THSD7B: variants seen among roughly 807,000 people sequenced by gnomAD.
The protein encoded by THSD7B is thrombospondin type-1 domain-containing protein 7B.
THSD7B carries 138 observed loss-of-function variants against 213.6 expected under a neutral mutation model. The ratio of observed to expected loss-of-function variants is 0.65; its 90% confidence interval spans 0.56 to 0.74. The LOEUF (loss-of-function observed/expected upper bound fraction) is 0.74. Ranked by LOEUF, THSD7B falls within the 30% of genes least tolerant of loss-of-function variation. THSD7B has a pLI of 0.00. For synonymous variants in THSD7B, 742 were observed against 687.0 expected (o/e 1.08, Z -1.25); for missense variants, 1,931 against 1,991.5 (o/e 0.97, Z 0.58).
intron 1 of THSD7B, among the ~76,000 whole-genome samples, chr2:136,778,816 A>G (rs1037529156): frequency 1.3e-5 from 2 of 152,192 alleles, no homozygotes; most frequent in African/African-American, 4.8e-5. Context: ...ATGCACTGAT[A>G]CCTCTATAAG....
intron 2 of THSD7B, among the ~76,000 whole-genome samples, chr2:137,008,883 A>C (rs1207364948): frequency 6.6e-6 from 1 of 152,188 alleles, no homozygotes; most frequent in Non-Finnish European, 1.5e-5. Context: ...CCCACATACA[A>C]ACTACAGTGT....
At chr2:137,055,234 A>G (rs62171229) in intron 2 of THSD7B, among the ~76,000 whole-genome samples, 14,030 of 152,224 alleles carry the variant, frequency 0.092, 905 homozygotes, top group Non-Finnish European at 0.14. Context: ...TAGTGCTGCA[A>G]TAAACATACG....
chr2:137,448,967 T>TTTTG (rs905243259), intron 14 of THSD7B, among the ~76,000 whole-genome samples: 1 of 152,196 alleles, frequency 6.6e-6, no homozygotes, highest in Non-Finnish European at 1.5e-5. Flanking sequence ...TATAAAGAAT[T>TTTTG]TTTGTTTGTT....
At chr2:137,240,664 C>T (rs927446737) in intron 9 of THSD7B, among the ~76,000 whole-genome samples, 1 of 152,114 alleles carries the variant, frequency 6.6e-6, no homozygotes, top group Non-Finnish European at 1.5e-5. Context: ...GCATGTACCC[C>T]CATGCCCAGC....
At chr2:137,313,308 T>C (rs1558753704) in intron 12 of THSD7B, among the ~76,000 whole-genome samples, 3 of 152,154 alleles carry the variant, frequency 2.0e-5, no homozygotes, top group Non-Finnish European at 2.9e-5. Context: ...AAGTCTGTTT[T>C]ATCAGAGATG....
chr2:137,566,306 A>T (rs779899763), intron 16 of THSD7B, among the ~76,000 whole-genome samples: 24 of 152,238 alleles, frequency 1.6e-4, no homozygotes, highest in Non-Finnish European at 3.1e-4. Context: ...GCTCACATGC[A>T]GTGGAAAGCC....
chr2:137,543,275 G>A (rs1471609613), intron 15 of THSD7B, among the ~76,000 whole-genome samples: 1 of 151,560 alleles, frequency 6.6e-6, no homozygotes, highest in African/African-American at 2.4e-5. Flanking sequence ...TCTTTTTTTT[G>A]CTATACAGAA....
At chr2:137,588,547 A>G (rs1050611596) in intron 17 of THSD7B, among the ~76,000 whole-genome samples, 1 of 148,016 alleles carries the variant, frequency 6.8e-6, no homozygotes, top group African/African-American at 2.5e-5. Flanking sequence ...TTCTGATTCC[A>G]TTTTAGCATT....
At chr2:137,223,726 T>C (rs1681429055) in intron 7 of THSD7B, among the ~76,000 whole-genome samples, 1 of 152,164 alleles carries the variant, frequency 6.6e-6, no homozygotes, top group African/African-American at 2.4e-5. Context: ...TCAGCACTGA[T>C]GTGGTTTGAA....
chr2:137,345,134 T>C (rs1050551812), intron 12 of THSD7B, among the ~76,000 whole-genome samples: 1 of 151,720 alleles, frequency 6.6e-6, no homozygotes, highest in African/African-American at 2.4e-5. Context: ...AATAATCTAA[T>C]GGCAAATCTT....
intron 26 of THSD7B, among the ~76,000 whole-genome samples, chr2:137,666,119 A>G (rs1683441782): frequency 6.6e-6 from 1 of 152,032 alleles, no homozygotes; most frequent in Non-Finnish European, 1.5e-5. Flanking sequence ...TTATGTTCTT[A>G]CAGAATACAT....
At chr2:137,500,103 C>G (rs1002840858) in intron 15 of THSD7B, among the ~76,000 whole-genome samples, 2 of 151,966 alleles carry the variant, frequency 1.3e-5, no homozygotes, top group African/African-American at 4.8e-5. Flanking sequence ...AGACAACAAC[C>G]CCCCAATTCC....
intron 4 of THSD7B, among the ~76,000 whole-genome samples, chr2:137,114,420 G>A (rs1368859442): frequency 6.6e-6 from 1 of 152,110 alleles, no homozygotes; most frequent in Non-Finnish European, 1.5e-5. Context: ...ACTCCATTGT[G>A]TTTTCCCCCT....
At chr2:136,950,677 A>G (rs1199114031) in intron 2 of THSD7B, among the ~76,000 whole-genome samples, 1 of 152,218 alleles carries the variant, frequency 6.6e-6, no homozygotes, top group Non-Finnish European at 1.5e-5. Context: ...GCCTTCTGCA[A>G]TTATCGCCAT....
intron 2 of THSD7B, among the ~76,000 whole-genome samples, chr2:136,962,403 CTTTTTTTTT>C (rs71400559): frequency 2.0e-5 from 2 of 100,180 alleles, no homozygotes; most frequent in Admixed American, 1.2e-4. Flanking sequence ...AATCTGTTAT[CTTTTTTTTT>C]TTTTTTTTTT....
At chr2:137,110,058 C>T (rs752359122) in intron 4 of THSD7B, among the ~76,000 whole-genome samples, 1 of 152,134 alleles carries the variant, frequency 6.6e-6, no homozygotes, top group Non-Finnish European at 1.5e-5. Context: ...TATGCTCACT[C>T]CCTCATTTTA....
chr2:137,013,789 G>T (rs1686283838), intron 2 of THSD7B, among the ~76,000 whole-genome samples: 1 of 152,118 alleles, frequency 6.6e-6, no homozygotes, highest in Non-Finnish European at 1.5e-5. Context: ...TGCCTCCTCT[G>T]GGGCAGAACT....
At chr2:137,338,289 G>A (rs1684686180) in intron 12 of THSD7B, among the ~76,000 whole-genome samples, 1 of 151,996 alleles carries the variant, frequency 6.6e-6, no homozygotes, top group African/African-American at 2.4e-5. Context: ...CCCAGATCAG[G>A]AACTCTAAGG....
intron 2 of THSD7B, among the ~76,000 whole-genome samples, chr2:136,962,852 A>T (rs975004570): frequency 1.3e-5 from 2 of 151,748 alleles, no homozygotes; most frequent in Non-Finnish European, 2.9e-5. Context: ...GGGTCTTTAA[A>T]TTTTTTTTTG....
Sources: allele counts gnomAD v4.1 joint callset (sites outside exome capture counted in the v4.1 genomes callset), GRCh38; gene constraint gnomAD v4.1.1; transcripts MANE v1.5; gene names NCBI Gene and HGNC (gene_info 2026-07-23, HGNC 2026-07-21).